Variants in GSE1 observed in about 807,000 individuals in gnomAD.
GSE1 encodes genetic suppressor element 1.
Under a neutral mutation model 112.6 loss-of-function variants are expected in GSE1, and 32 were observed. The ratio of observed to expected loss-of-function variants is 0.28; its 90% CI spans 0.21 to 0.38. The LOEUF (loss-of-function observed/expected upper bound fraction) is 0.38. GSE1 is among the 10% of genes least tolerant of loss of function. The pLI, the probability that GSE1 is intolerant of heterozygous loss-of-function variation, is 1.00. For missense variants in GSE1, 2,348 were observed against 1,699.2 expected, an observed-to-expected ratio of 1.38 and a Z score of -6.71; for synonymous variants, 1,115 against 735.6, an observed-to-expected ratio of 1.52 and a Z score of -8.35.
chr16:85,619,160 C>T (rs1314576611), intron 1 of GSE1, among the ~76,000 whole-genome samples: 2 of 152,206 alleles, frequency 1.3e-5, no homozygotes, highest in Non-Finnish European at 2.9e-5. Flanking sequence ...GCCTCAACGT[C>T]CCCTCGGGCT....
chr16:85,403,539 CA>C (rs368785912), intron 2 of GSE1, among the ~76,000 whole-genome samples: 3 of 152,096 alleles, frequency 2.0e-5, no homozygotes, highest in African/African-American at 7.2e-5. Context: ...CCTGAAATCC[CA>C]GCACTTTGGG....
rs1258167012 is a variant in GSE1 at position 85,495,286 on chromosome 16, G to A, written c.2464+137643G>A. ...TTTCTGAGGCAAAGGGTGGTGTGGG[G>A]GCGAGGAGGGAGCACTGGAGTGGGA... On this transcript the variant is annotated intron_variant, in intron 2 of 2. Coordinates refer to the GSE1 transcript ENST00000637419. Among the ~76,000 whole-genome samples, 3 of 152,022 alleles carry A rather than the reference G, an allele frequency of 2.0e-5. No individual in the cohort carries two copies. The East Asian group carries it at 5.8e-4, about 29-fold the overall frequency.
intron 2 of GSE1, among the ~76,000 whole-genome samples, chr16:85,401,716 C>A (rs921253359): frequency 6.6e-6 from 1 of 152,244 alleles, no homozygotes; most frequent in Non-Finnish European, 1.5e-5. Context: ...TATTGAGCAC[C>A]TGCTGTGTAC....
intron 2 of GSE1, among the ~76,000 whole-genome samples, chr16:85,433,937 G>A (rs1022340325): frequency 1.3e-5 from 2 of 152,156 alleles, no homozygotes; most frequent in African/African-American, 4.8e-5. Flanking sequence ...GCTCTGGGAG[G>A]GGAAGCAAGA....
chr16:85,422,604 A>T (rs1597709284), intron 2 of GSE1, among the ~76,000 whole-genome samples: 1 of 150,164 alleles, frequency 6.7e-6, no homozygotes, highest in Non-Finnish European at 1.5e-5. Context: ...AAAAGCAGAC[A>T]GTAGGAGAGA....
chr16:85,495,429 TTTTATTTATTTA>T (rs67017375), intron 2 of GSE1, among the ~76,000 whole-genome samples: 3,034 of 145,238 alleles, frequency 0.021, 99 homozygotes, highest in African/African-American at 0.067. Context: ...GCTGGGAACA[TTTTATTTATTTA>T]TTTATTTATT....
chr16:85,428,590 G>C (rs529628696), intron 2 of GSE1, among the ~76,000 whole-genome samples: 1 of 152,322 alleles, frequency 6.6e-6, no homozygotes, highest in Admixed American at 6.5e-5. Flanking sequence ...GGTCCCTGTG[G>C]GGTTTCTGGA....
chr16:85,656,550 GGCC>G lies in GSE1; in HGVS notation c.1201_1203del (p.Ala401del). 6.5e-7 allele frequency: 1 copy of G among 1,548,580 alleles called. No individual in the cohort carries two copies. Among genetic ancestry groups the G allele is most frequent in the Admixed American group, 2.0e-5 (1 of 50,972 alleles). On this transcript the variant is annotated inframe_deletion, in exon 7 of 16. Coordinates refer to ENST00000253458, the MANE Select transcript of GSE1 (RefSeq NM_014615.5). Reference sequence around the variant, plus strand: ...AGCGGGCCCGGGAGAAGGAGCTGCTGGCCGCCAAGGCCCTGGAGCCCAGCTTCC... The same window carrying G: ...AGCGGGCCCGGGAGAAGGAGCTGCTGGCCAAGGCCCTGGAGCCCAGCTTCC...
chr16:85,551,565 G>A (rs898867955), upstream of GSE1, among the ~76,000 whole-genome samples: 3 of 152,264 alleles, frequency 2.0e-5, no homozygotes, highest in Non-Finnish European at 4.4e-5. Context: ...GGAGGCTCAC[G>A]GCGGGGCACG....
At chr16:85,492,740 G>A (rs1167137734) in intron 2 of GSE1, among the ~76,000 whole-genome samples, 2 of 143,746 alleles carry the variant, frequency 1.4e-5, no homozygotes, top group Non-Finnish European at 3.0e-5. Flanking sequence ...AGAGGGAGCC[G>A]TCCCTGGGGG....
chr16:85,494,879 A>T (rs1597949911), intron 2 of GSE1, among the ~76,000 whole-genome samples: 1 of 152,212 alleles, frequency 6.6e-6, no homozygotes, highest in African/African-American at 2.4e-5. Flanking sequence ...GGCAGCCCCC[A>T]CACAGAAAGG....
chr16:85,196,785 C>T (rs758782657), intron 1 of GSE1, among the ~76,000 whole-genome samples: 9 of 151,904 alleles, frequency 5.9e-5, no homozygotes, highest in East Asian at 1.9e-4. Flanking sequence ...TTAGACGGGG[C>T]GGGGGGGCCT....
At chr16:85,521,564 G>A (rs997306364) in intron 2 of GSE1, among the ~76,000 whole-genome samples, 2 of 152,214 alleles carry the variant, frequency 1.3e-5, no homozygotes, top group East Asian at 1.9e-4. Flanking sequence ...TGTGGACCTC[G>A]GTATCTTCTT....
At chr16:85,348,105 G>C (rs1176886813) in intron 1 of GSE1, among the ~76,000 whole-genome samples, 2 of 152,052 alleles carry the variant, frequency 1.3e-5, no homozygotes, top group African/African-American at 4.8e-5. Context: ...ATAAAAAGGC[G>C]GTTCTGCCCC....
At chr16:85,504,658 A>G (rs1228120090) in intron 2 of GSE1, among the ~76,000 whole-genome samples, 1 of 152,238 alleles carries the variant, frequency 6.6e-6, no homozygotes, top group Non-Finnish European at 1.5e-5. Context: ...AAATTTAAGG[A>G]AAAAAATGGC....
intron 11 of GSE1, 141 bp downstream of exon 11, chr16:85,663,755 G>A (rs1351003388): frequency 1.2e-5 from 10 of 810,568 alleles, no homozygotes; most frequent in Admixed American, 2.6e-5. Flanking sequence ...CCCGGCTCCC[G>A]GGAACAGCCT....
chr16:85,552,565 C>G (rs2044978096), upstream of GSE1, among the ~76,000 whole-genome samples: 1 of 150,408 alleles, frequency 6.6e-6, no homozygotes, highest in African/African-American at 2.4e-5. Context: ...ATCTCCTGAC[C>G]TCGTGATCCG....
At chr16:85,352,227 A>G (rs1014017371) in intron 1 of GSE1, among the ~76,000 whole-genome samples, 2 of 152,178 alleles carry the variant, frequency 1.3e-5, no homozygotes, top group South Asian at 2.1e-4. Context: ...CCCTGGAGAA[A>G]GCATAACAAT....
At chr16:85,646,397 T>C (rs1270109588) in intron 2 of GSE1, among the ~76,000 whole-genome samples, 3 of 152,238 alleles carry the variant, frequency 2.0e-5, no homozygotes, top group Non-Finnish European at 4.4e-5. Flanking sequence ...GCACAGCTGC[T>C]GTGACACGGG....
Sources: gnomAD v4.1 joint callset for allele counts (sites outside exome capture counted in the v4.1 genomes callset) on GRCh38, gnomAD v4.1.1 for gene constraint, MANE v1.5 for transcripts, NCBI Gene and HGNC (gene_info 2026-07-23, HGNC 2026-07-21) for gene names.